The following CLVS1 variants were observed in gnomAD, a reference collection of about 807,000 sequenced individuals.
CLVS1 encodes clavesin 1, also known as clavesin-1.
CLVS1 carries 10 observed loss-of-function variants against 33.1 expected under a neutral mutation model. That is an observed-to-expected ratio of 0.30 (90% confidence interval 0.19 to 0.51). The LOEUF (loss-of-function observed/expected upper bound fraction) is 0.51, where lower values mean the gene tolerates loss of function less well. Among genes scored for constraint, CLVS1 ranks in the 20% least tolerant of loss-of-function variants. The pLI, the probability that CLVS1 is intolerant of heterozygous loss-of-function variation, is 0.97. For missense variants in CLVS1, 343 were observed against 433.4 expected (o/e 0.79, Z 1.85); for synonymous variants, 163 against 166.1 (o/e 0.98, Z 0.14).
chr8:61,223,303 C>A (rs547306833), intron 2 of CLVS1, among the ~76,000 whole-genome samples: 1 of 152,194 alleles, frequency 6.6e-6, no homozygotes, highest in South Asian at 2.1e-4. Flanking sequence ...TGTGTTTTTG[C>A]AGTGTCTGGT....
intron 2 of CLVS1, among the ~76,000 whole-genome samples, chr8:61,318,144 G>T (rs937523213): frequency 3.9e-5 from 6 of 152,194 alleles, no homozygotes; most frequent in Non-Finnish European, 5.9e-5. Flanking sequence ...ACTCTCTGAA[G>T]ATGTTAATTA....
At chr8:61,359,133 T>C (rs1321664637) in intron 2 of CLVS1, among the ~76,000 whole-genome samples, 2 of 152,214 alleles carry the variant, frequency 1.3e-5, no homozygotes, top group East Asian at 3.8e-4. Context: ...TTATTATGAC[T>C]GCTATTTACA....
chr8:61,380,349 A>G (rs1813820762), intron 3 of CLVS1, among the ~76,000 whole-genome samples: 1 of 152,224 alleles, frequency 6.6e-6, no homozygotes, highest in Non-Finnish European at 1.5e-5. Flanking sequence ...AGTCATTATA[A>G]CAATCATATT....
intron 1 of CLVS1, among the ~76,000 whole-genome samples, chr8:61,124,482 G>GT (rs1177025832): frequency 7.9e-5 from 12 of 152,148 alleles, no homozygotes; most frequent in Admixed American, 2.0e-4. Flanking sequence ...GCTGATCAAT[G>GT]TTTTTTTTAT....
At chr8:61,162,401 G>A (rs1471720147) in intron 2 of CLVS1, among the ~76,000 whole-genome samples, 1 of 152,180 alleles carries the variant, frequency 6.6e-6, no homozygotes, top group Non-Finnish European at 1.5e-5. Context: ...CATAGATTTG[G>A]CATAGCTGGC....
chr8:61,011,228 T>C, the CLVS1 span, among the ~76,000 whole-genome samples: 1 of 152,326 alleles, frequency 6.6e-6, no homozygotes, highest in South Asian at 2.1e-4. Flanking sequence ...ATTGTGCCAC[T>C]GAGTTCCAGC....
chr8:60,990,713 GT>G, the CLVS1 span, among the ~76,000 whole-genome samples: 63 of 141,756 alleles, frequency 4.4e-4, no homozygotes, highest in South Asian at 6.7e-4. Flanking sequence ...GGTTTTTTTT[GT>G]TTTTTTTTTT....
At chr8:61,201,717 A>C (rs1486342824) in intron 2 of CLVS1, among the ~76,000 whole-genome samples, 1 of 140,468 alleles carries the variant, frequency 7.1e-6, no homozygotes, top group Non-Finnish European at 1.6e-5. Flanking sequence ...TTCGAATCCC[A>C]GTTGTTCTAG....
chr8:60,999,013 C>A, the CLVS1 span, among the ~76,000 whole-genome samples: 1 of 152,136 alleles, frequency 6.6e-6, no homozygotes, highest in Non-Finnish European at 1.5e-5. Flanking sequence ...AGGAGACAGT[C>A]CTGCCATTGA....
At chr8:61,342,110 AGCGGGT>A (rs1490954856) in intron 2 of CLVS1, among the ~76,000 whole-genome samples, 1 of 152,198 alleles carries the variant, frequency 6.6e-6, no homozygotes, top group African/African-American at 2.4e-5. Context: ...CATGTGGTAA[AGCGGGT>A]GACTCTTGCT....
At chr8:61,239,760 CA>C (rs2129313923) in intron 2 of CLVS1, among the ~76,000 whole-genome samples, 1 of 152,254 alleles carries the variant, frequency 6.6e-6, no homozygotes, top group East Asian at 1.9e-4. Flanking sequence ...TTTTTCAATA[CA>C]AAAACTCATT....
intron 3 of CLVS1, among the ~76,000 whole-genome samples, chr8:61,395,540 A>G (rs1373304837): frequency 1.3e-5 from 2 of 152,232 alleles, no homozygotes; most frequent in East Asian, 3.8e-4. Flanking sequence ...TCTATAATTT[A>G]CACATAGATC....
chr8:61,147,741 A>G (rs1806448473), intron 2 of CLVS1, among the ~76,000 whole-genome samples: 1 of 152,256 alleles, frequency 6.6e-6, no homozygotes. Flanking sequence ...ATTGACTACC[A>G]TAAAAGGAAC....
chr8:61,236,169 C>T (rs1286592065), intron 2 of CLVS1, among the ~76,000 whole-genome samples: 1 of 152,116 alleles, frequency 6.6e-6, no homozygotes. Context: ...TAAAATGAGG[C>T]AAGACACTGC....
Position 61,225,857 on chromosome 8 carries a change from C to A in CLVS1, c.-151-73820C>A, listed in dbSNP as rs370975764. On this transcript the variant is annotated intron_variant, in intron 2 of 2. Transcript: ENST00000522621. ...CTTCAACTCAGTTTATTGGCAACTC[C>A]TGTGCTGTCATTAATCCCCAGGTTG... Among the ~76,000 whole-genome samples the A allele has an allele frequency of 6.5e-4, 99 of 152,314 alleles. No homozygotes were observed. In the South Asian group the frequency reaches 0.02, roughly 31 times the overall value.
intron 5 of CLVS1, among the ~76,000 whole-genome samples, chr8:61,470,919 C>CA (rs1364328110): frequency 6.6e-6 from 1 of 152,152 alleles, no homozygotes; most frequent in African/African-American, 2.4e-5. Flanking sequence ...TTCACAGCCC[C>CA]ACTTAGAACG....
At chr8:61,439,277 A>G (rs936592113) in intron 3 of CLVS1, among the ~76,000 whole-genome samples, 4 of 152,230 alleles carry the variant, frequency 2.6e-5, no homozygotes, top group Non-Finnish European at 2.9e-5. Context: ...TCTGTTAACC[A>G]CTTAGGGGCC....
Position 61,458,510 on chromosome 8 carries a change from G to A in CLVS1, c.945G>A (p.Leu315=). 6.2e-7 allele frequency: 1 copy of A among 1,612,630 alleles called. No homozygotes were observed. The highest frequency in any genetic ancestry group is 2.2e-5 in the East Asian group (1 of 44,828). The change falls in exon 5 of 6, where the codon CTG becomes CTA. Residue 315 remains leucine (L), a synonymous_variant. Transcript: ENST00000325897. ...ACGTGAAGCATACGTCCTCGAATCTGGAGAGAGAATGCTCACCCAAGCTGA... is the reference window on the plus strand; with the variant it reads ...ACGTGAAGCATACGTCCTCGAATCTAGAGAGAGAATGCTCACCCAAGCTGA... ...AMHVKHTSSN[L]ERECSPKLMK...
At chr8:61,058,219 A>C (rs1262958800) in intron 1 of CLVS1, among the ~76,000 whole-genome samples, 1 of 152,146 alleles carries the variant, frequency 6.6e-6, no homozygotes, top group Non-Finnish European at 1.5e-5. Flanking sequence ...AGTCATTGGC[A>C]GTTGGCAGTG....
Sources: allele counts gnomAD v4.1 joint callset (sites outside exome capture counted in the v4.1 genomes callset), GRCh38; gene constraint gnomAD v4.1.1; transcripts MANE v1.5; gene names NCBI Gene and HGNC (gene_info 2026-07-23, HGNC 2026-07-21).